SV2C: variants seen among roughly 807,000 people sequenced by gnomAD.
The protein encoded by SV2C is solute carrier family 22 member B3.
A neutral mutation model predicts 79.7 loss-of-function variants in SV2C; 49 were observed. The ratio of observed to expected loss-of-function variants is 0.61; its 90% CI spans 0.49 to 0.78. The LOEUF (loss-of-function observed/expected upper bound fraction) is 0.78. Among genes scored for constraint, SV2C ranks in the 30% least tolerant of loss-of-function variants. The pLI is 0.00. For missense variants in SV2C, 833 were observed against 912.9 expected (o/e 0.91, Z 1.13); for synonymous variants, 334 against 333.2 (o/e 1.00, Z -0.03).
chr5:76,113,506 G>A (rs1194788685), intron 1 of SV2C, among the ~76,000 whole-genome samples: 3 of 152,224 alleles, frequency 2.0e-5, no homozygotes, highest in African/African-American at 7.2e-5. Flanking sequence ...TTAGGCACTT[G>A]TAGTCTGATA....
the SV2C span, chr5:75,911,961 C>T: frequency 2.8e-6 from 1 of 355,948 alleles, no homozygotes; most frequent in South Asian, 2.5e-5. Context: ...TAAGAGCCAG[C>T]AACCATCCCT....
chr5:75,972,004 C>A, the SV2C span, among the ~76,000 whole-genome samples: 1 of 151,954 alleles, frequency 6.6e-6, no homozygotes, highest in Admixed American at 6.6e-5. Flanking sequence ...CAGAACAGAG[C>A]CCTCAGAAAT....
At chr5:76,192,592 G>T (rs1291152943) in intron 2 of SV2C, among the ~76,000 whole-genome samples, 7 of 152,176 alleles carry the variant, frequency 4.6e-5, no homozygotes, top group Non-Finnish European at 1.0e-4. Context: ...TACAGTTTGT[G>T]TCTGACAATC....
intron 12 of SV2C, among the ~76,000 whole-genome samples, chr5:76,322,370 C>A (rs1248442067): frequency 6.6e-6 from 1 of 152,032 alleles, no homozygotes; most frequent in African/African-American, 2.4e-5. Context: ...CAAACCACTG[C>A]CCAAGGAAAT....
upstream of SV2C, among the ~76,000 whole-genome samples, chr5:76,083,010 C>T (rs1258378839): frequency 2.0e-5 from 3 of 152,248 alleles, no homozygotes; most frequent in Non-Finnish European, 4.4e-5. Context: ...AAGTGCGCAA[C>T]GCACAGTCAC....
chr5:76,347,485 C>T (rs1051203113), intron 12 of SV2C, among the ~76,000 whole-genome samples: 9 of 152,004 alleles, frequency 5.9e-5, no homozygotes, highest in Admixed American at 1.3e-4. Flanking sequence ...CTCTCTGTCG[C>T]CCAAGCTGGA....
intron 3 of SV2C, among the ~76,000 whole-genome samples, chr5:76,201,984 C>A (rs111747329): frequency 4.2e-5 from 6 of 143,224 alleles, no homozygotes; most frequent in African/African-American, 1.3e-4. Context: ...CCACTGCACT[C>A]CAGCCTGGGC....
chr5:75,863,129 A>G, the SV2C span, among the ~76,000 whole-genome samples: 1 of 152,212 alleles, frequency 6.6e-6, no homozygotes, highest in Admixed American at 6.5e-5. Context: ...CTTTGAACAA[A>G]GAAAAAGCCT....
rs1561323095 is a variant in SV2C, at chr5:76,332,583, T to C, written c.*7036T>C. 6.6e-6 allele frequency: 1 copy of C among 152,220 alleles called. No homozygotes were observed. The highest frequency in any genetic ancestry group is 1.5e-5 in the Non-Finnish European group (1 of 68,034). 9.4% of individuals were successfully genotyped at this position (152,220 alleles called of 1,614,324 possible). On this transcript the variant is annotated 3_prime_UTR_variant, in exon 13 of 13. Coordinates refer to ENST00000502798, the MANE Select transcript of SV2C (RefSeq NM_014979.4). ...TTATCTGTGCCCATGAGGTAATGTA[T>C]GCCTATTATGTCTGTATGGTAGAAA...
chr5:76,154,550 AC>A (rs1013410784), intron 2 of SV2C, among the ~76,000 whole-genome samples: 2 of 152,162 alleles, frequency 1.3e-5, no homozygotes, highest in Non-Finnish European at 2.9e-5. Flanking sequence ...CACACTCCAG[AC>A]CACACAGAGC....
chr5:75,873,371 AAT>A, the SV2C span, among the ~76,000 whole-genome samples: 1 of 150,376 alleles, frequency 6.6e-6, no homozygotes, highest in Non-Finnish European at 1.5e-5. Flanking sequence ...ACATCTAATA[AAT>A]ATGTCATCAT....
At chr5:76,245,286 GGAGGAA>G (rs1167175203) in intron 4 of SV2C, among the ~76,000 whole-genome samples, 1 of 152,174 alleles carries the variant, frequency 6.6e-6, no homozygotes, top group African/African-American at 2.4e-5. Flanking sequence ...GCCAAGACTT[GGAGGAA>G]GAGGAAGAGG....
At chr5:76,120,805 G>T (rs1748464364) in intron 1 of SV2C, among the ~76,000 whole-genome samples, 2 of 150,464 alleles carry the variant, frequency 1.3e-5, no homozygotes, top group South Asian at 4.2e-4. Flanking sequence ...CTTTGCTATT[G>T]TGAATAGTGC....
intron 2 of SV2C, among the ~76,000 whole-genome samples, chr5:76,171,644 C>T (rs1743261209): frequency 6.8e-6 from 1 of 146,144 alleles, no homozygotes; most frequent in Admixed American, 6.7e-5. Context: ...GCCAGCCGCC[C>T]CATCCGGGAG....
At chr5:76,257,262 T>C (rs937732780) in intron 4 of SV2C, among the ~76,000 whole-genome samples, 3 of 34,616 alleles carry the variant, frequency 8.7e-5, no homozygotes, top group Non-Finnish European at 1.5e-4. Context: ...GGCTGTAGTG[T>C]ATGTGTGTGT....
chr5:76,028,476 A>C, the SV2C span, among the ~76,000 whole-genome samples: 1 of 152,222 alleles, frequency 6.6e-6, no homozygotes, highest in African/African-American at 2.4e-5. Flanking sequence ...TCATGTGAGA[A>C]GAGTAATTAT....
the SV2C span, among the ~76,000 whole-genome samples, chr5:75,929,846 C>T: frequency 6.6e-6 from 1 of 152,234 alleles, no homozygotes; most frequent in African/African-American, 2.4e-5. Flanking sequence ...GAGAAGAAAA[C>T]TACGTTTTGT....
At chr5:75,978,374 C>T in the SV2C span, among the ~76,000 whole-genome samples, 1 of 152,182 alleles carries the variant, frequency 6.6e-6, no homozygotes, top group Non-Finnish European at 1.5e-5. Flanking sequence ...CTCTCTTCTA[C>T]ATACTCTAAC....
intron 1 of SV2C, among the ~76,000 whole-genome samples, chr5:76,095,264 A>G (rs1747516640): frequency 6.6e-6 from 1 of 152,016 alleles, no homozygotes; most frequent in Non-Finnish European, 1.5e-5. Context: ...CATGTAGTAG[A>G]TTTGTCACAA....
Sources: gnomAD v4.1 joint callset for allele counts (sites outside exome capture counted in the v4.1 genomes callset) on GRCh38, gnomAD v4.1.1 for gene constraint, MANE v1.5 for transcripts, NCBI Gene and HGNC (gene_info 2026-07-23, HGNC 2026-07-21) for gene names.